NOP58: variants seen among roughly 807,000 people sequenced by gnomAD.
The protein encoded by NOP58 is nucleolar protein 58.
NOP58 carries 44 observed loss-of-function variants against 71.2 expected under a neutral mutation model. The observed-to-expected ratio is 0.62, with a 90% CI of 0.49 to 0.79. The LOEUF is 0.79. NOP58 is among the 30% of genes least tolerant of loss of function. The pLI is 0.00. For synonymous variants in NOP58, 228 were observed against 200.3 expected, an observed-to-expected ratio of 1.14 and a Z score of -1.17; for missense variants, 538 against 620.2, an observed-to-expected ratio of 0.87 and a Z score of 1.41.
At chr2:202,294,959 T>C (rs1394191185) in intron 9 of NOP58, among the ~76,000 whole-genome samples, 2 of 145,476 alleles carry the variant, frequency 1.4e-5, no homozygotes, top group Non-Finnish European at 3.0e-5. Context: ...AGCGAAACTC[T>C]ATCTCAAAAA....
In NOP58 at chr2:202,295,787, A is replaced by G. The variant is rs1688978223; in HGVS notation, c.1021A>G (p.Ile341Val). The G allele has an allele frequency of 6.2e-7, 1 of 1,607,892 alleles. No individual in the cohort carries two copies. The highest frequency in any genetic ancestry group is 8.5e-7 in the Non-Finnish European group (1 of 1,177,770). Residue 341 changes from isoleucine to valine, a missense_variant, in exon 10 of 15, where the codon ATT becomes GTT. Physicochemically the swap from Ile to Val is conservative, Grantham distance 29. Coordinates refer to ENST00000264279, the MANE Select transcript of NOP58 (RefSeq NM_015934.5). ...SRRDTPKYGLIYHASLVGQTS... is the reference protein window; with the variant it reads ...SRRDTPKYGLVYHASLVGQTS... Reference sequence around the variant, plus strand: ...ACGGGATACCCCTAAGTATGGTCTCATTTATCATGCTTCACTCGTGGGCCA... The same window carrying G: ...ACGGGATACCCCTAAGTATGGTCTCGTTTATCATGCTTCACTCGTGGGCCA...
chr2:202,289,141 G>A (rs1440042736), intron 6 of NOP58, among the ~76,000 whole-genome samples: 2 of 151,624 alleles, frequency 1.3e-5, no homozygotes, highest in Admixed American at 6.6e-5. Flanking sequence ...AAAAAAAAGC[G>A]CTCAACCAGC....
At chr2:202,272,570 A>G (rs1688528638) in intron 1 of NOP58, among the ~76,000 whole-genome samples, 1 of 152,252 alleles carries the variant, frequency 6.6e-6, no homozygotes, top group South Asian at 2.1e-4. Flanking sequence ...GTTGGTATTA[A>G]CAATTTATAA....
intron 9 of NOP58, among the ~76,000 whole-genome samples, chr2:202,294,800 T>A (rs1241198319): frequency 1.2e-4 from 18 of 151,814 alleles, no homozygotes; most frequent in Admixed American, 1.2e-3. Context: ...CCATCTCTAC[T>A]AAAAATACAA....
At chr2:202,296,791 T>C (rs1689001684) in intron 10 of NOP58, among the ~76,000 whole-genome samples, 1 of 152,072 alleles carries the variant, frequency 6.6e-6, no homozygotes, top group African/African-American at 2.4e-5. Context: ...TGGAGTGCAG[T>C]GGTGCCATCC....
rs756837458 is a variant in NOP58, at chr2:202,291,234, A to G, written c.744A>G (p.Glu248=). 3 of 1,610,036 alleles carry G rather than the reference A, an allele frequency of 1.9e-6. No individual in the cohort carries two copies. The highest frequency in any genetic ancestry group is 1.7e-4 in the Middle Eastern group (1 of 6,046). ...TATCAATGGGAACAGAGGTTTCAGA[A>G]GAAGATATTTGCAATATTCTGCATC... ...AEISMGTEVS[E]EDICNILHLC... The change falls in exon 8 of 15, where the codon GAA becomes GAG. Residue 248 remains glutamate, a synonymous_variant. Transcript: ENST00000264279.
intron 1 of NOP58, among the ~76,000 whole-genome samples, chr2:202,272,739 A>AAG: frequency 6.6e-6 from 1 of 152,354 alleles, no homozygotes; most frequent in African/African-American, 2.4e-5. Context: ...GAGGACATGT[A>AAG]TCAAATAGGG....
At chr2:202,295,971 T>G (rs1688980488) in intron 10 of NOP58, 134 bp downstream of exon 10, 1 of 656,186 alleles carries the variant, frequency 1.5e-6, no homozygotes, top group East Asian at 3.2e-5. Context: ...GGTGAGTTAT[T>G]TAAATAAAAA....
chr2:202,300,969 T>C (rs1689081686), intron 13 of NOP58, among the ~76,000 whole-genome samples: 1 of 152,170 alleles, frequency 6.6e-6, no homozygotes, highest in East Asian at 1.9e-4. Flanking sequence ...AGTAGCTTAG[T>C]GGTCAAAAGT....
chr2:202,270,390 T>C (rs569730673), intron 1 of NOP58, among the ~76,000 whole-genome samples: 1 of 152,370 alleles, frequency 6.6e-6, no homozygotes, highest in African/African-American at 2.4e-5. Flanking sequence ...TTTAAACTAA[T>C]TATCAGTTTT....
intron 1 of NOP58, among the ~76,000 whole-genome samples, chr2:202,268,913 GTTTT>G (rs1179034988): frequency 1.3e-5 from 2 of 151,428 alleles, no homozygotes; most frequent in African/African-American, 4.9e-5. Context: ...TGGCCTTGAA[GTTTT>G]TTTTAAACTT....
chr2:202,280,484 A>G (rs1446714856), intron 3 of NOP58, among the ~76,000 whole-genome samples: 1 of 152,014 alleles, frequency 6.6e-6, no homozygotes, highest in African/African-American at 2.4e-5. Context: ...AGGTGATACC[A>G]CCATGTCCAG....
chr2:202,285,186 G>A (rs558442310), intron 5 of NOP58, among the ~76,000 whole-genome samples: 21 of 151,610 alleles, frequency 1.4e-4, no homozygotes, highest in African/African-American at 2.4e-4. Flanking sequence ...GATTACAAGC[G>A]TGCACCACTA....
At chr2:202,266,342 A>G (rs1380083844) in intron 1 of NOP58, among the ~76,000 whole-genome samples, 1 of 150,660 alleles carries the variant, frequency 6.6e-6, no homozygotes, top group Non-Finnish European at 1.5e-5. Flanking sequence ...CTTGTTGCCC[A>G]TGCTGGAGTG....
intron 1 of NOP58, 48 bp downstream of exon 1, chr2:202,266,034 G>A: frequency 6.3e-7 from 1 of 1,599,886 alleles, no homozygotes; most frequent in Non-Finnish European, 8.6e-7. Context: ...ATGCTGGACA[G>A]ACGAGGAGAG....
intron 10 of NOP58, 49 bp from the exon 11 acceptor site, chr2:202,297,330 G>T: frequency 6.5e-7 from 1 of 1,537,450 alleles, no homozygotes; most frequent in South Asian, 1.2e-5. Context: ...AAGTTATTGA[G>T]GATTTTACAT....
chr2:202,272,028 A>G (rs1438395344), intron 1 of NOP58, among the ~76,000 whole-genome samples: 1 of 152,164 alleles, frequency 6.6e-6, no homozygotes, highest in Non-Finnish European at 1.5e-5. Flanking sequence ...GCACATCTAC[A>G]CATTAAGACG....
intron 8 of NOP58, among the ~76,000 whole-genome samples, chr2:202,292,497 G>C (rs1688920354): frequency 6.6e-6 from 1 of 151,996 alleles, no homozygotes; most frequent in South Asian, 2.1e-4. Context: ...AATTAGCTGG[G>C]CGTGGTGGCG....
chr2:202,291,356 T>A, intron 8 of NOP58, 86 bp downstream of exon 8: 1 of 994,006 alleles, frequency 1.0e-6, no homozygotes, highest in Non-Finnish European at 1.5e-6. Context: ...ATTTTTACAC[T>A]TATTGTTGTT....
Sources: gnomAD v4.1 joint callset for allele counts (sites outside exome capture counted in the v4.1 genomes callset) on GRCh38, gnomAD v4.1.1 for gene constraint, MANE v1.5 for transcripts, NCBI Gene and HGNC (gene_info 2026-07-23, HGNC 2026-07-21) for gene names.